OTUD7A: variants seen among roughly 807,000 people sequenced by gnomAD.
OTUD7A encodes OTU deubiquitinase 7A.
A neutral mutation model predicts 65.7 loss-of-function variants in OTUD7A; 12 were observed. The observed-to-expected ratio is 0.18, with a 90% CI of 0.12 to 0.30. The LOEUF (loss-of-function observed/expected upper bound fraction) is 0.30, where lower values mean the gene tolerates loss of function less well. Among genes scored for constraint, OTUD7A ranks in the 10% least tolerant of loss-of-function variants. OTUD7A has a pLI of 1.00. For synonymous variants in OTUD7A, 641 were observed against 586.3 expected (o/e 1.09, Z -1.35); for missense variants, 1,148 against 1,304.8 (o/e 0.88, Z 1.85).
At chr15:31,627,820 TTTGCATTTCTC>T (rs1393676768) in intron 3 of OTUD7A, among the ~76,000 whole-genome samples, 9 of 152,250 alleles carry the variant, frequency 5.9e-5, no homozygotes, top group Admixed American at 1.3e-4. Context: ...GTGGTTTCGA[TTTGCATTTCTC>T]TGATGGTCAG....
At chr15:31,643,969 G>A in intron 3 of OTUD7A, among the ~76,000 whole-genome samples, 1 of 152,170 alleles carries the variant, frequency 6.6e-6, no homozygotes, top group East Asian at 1.9e-4. Context: ...CTTGCACGGG[G>A]GGATGCTTGC....
chr15:31,540,297 ATTT>A (rs1887947243), intron 5 of OTUD7A, among the ~76,000 whole-genome samples: 1 of 152,174 alleles, frequency 6.6e-6, no homozygotes, highest in African/African-American at 2.4e-5. Context: ...GAAAGACCTG[ATTT>A]CCCTTTTCAA....
intron 10 of OTUD7A, among the ~76,000 whole-genome samples, chr15:31,492,899 C>T (rs962556751): frequency 4.6e-5 from 7 of 152,076 alleles, no homozygotes; most frequent in Non-Finnish European, 1.0e-4. Context: ...GCAAAACCCA[C>T]ATATATGCTG....
At chr15:31,697,587 G>A (rs1893112845) in intron 1 of OTUD7A, among the ~76,000 whole-genome samples, 1 of 151,498 alleles carries the variant, frequency 6.6e-6, no homozygotes, top group African/African-American at 2.4e-5. Flanking sequence ...AGGTGAAATT[G>A]AAAAGATTCT....
At chr15:31,869,779 C>T (rs1190284248) in intron 1 of OTUD7A, among the ~76,000 whole-genome samples, 1 of 152,200 alleles carries the variant, frequency 6.6e-6, no homozygotes, top group Non-Finnish European at 1.5e-5. Context: ...GAGGAGGGTA[C>T]ACTTGAGCGG....
intron 3 of OTUD7A, among the ~76,000 whole-genome samples, chr15:31,599,419 G>C (rs545746517): frequency 1.1e-4 from 17 of 152,350 alleles, no homozygotes; most frequent in African/African-American, 4.1e-4. Flanking sequence ...AGAGGGGCCT[G>C]ACTGTCAGAA....
intron 8 of OTUD7A, among the ~76,000 whole-genome samples, chr15:31,521,843 G>C (rs945330134): frequency 6.6e-6 from 1 of 152,142 alleles, no homozygotes; most frequent in Non-Finnish European, 1.5e-5. Flanking sequence ...TCCCCCAAAC[G>C]GTCCCTCTTG....
At chr15:31,566,230 C>A (rs1595616034) in intron 4 of OTUD7A, among the ~76,000 whole-genome samples, 1 of 151,604 alleles carries the variant, frequency 6.6e-6, no homozygotes, top group East Asian at 1.9e-4. Flanking sequence ...TTCAGTAATT[C>A]TGTAGTCCAA....
chr15:31,768,742 G>C (rs772456475), intron 1 of OTUD7A, among the ~76,000 whole-genome samples: 26 of 152,090 alleles, frequency 1.7e-4, no homozygotes, highest in Non-Finnish European at 3.7e-4. Flanking sequence ...TAAAGGGGGT[G>C]AAGTAAAGGG....
In OTUD7A at chr15:31,498,474, C is replaced by G. The variant is rs528538213; in HGVS notation, c.1171+3216G>C. Among the ~76,000 whole-genome samples, 2 of 152,178 alleles carry G rather than the reference C, an allele frequency of 1.3e-5. No individual in the cohort carries two copies. The highest frequency in any genetic ancestry group is 3.9e-4 in the East Asian group (2 of 5,178). On this transcript the variant is annotated intron_variant, in intron 10 of 12. Coordinates refer to ENST00000307050, the MANE Select transcript of OTUD7A (RefSeq NM_001382637.1). This position sits in a 1 kb window ranked among gnomAD's most constrained non-coding sequence, Gnocchi z 4.2. ...GTTGGGATTGTTGCACTGGATGATT[C>G]CAAAGTTCTTTCCTAGGTTCTATGT... is the stretch of plus-strand genomic sequence containing the variant.
At chr15:31,564,154 T>C (rs1011143082) in intron 4 of OTUD7A, among the ~76,000 whole-genome samples, 1 of 152,070 alleles carries the variant, frequency 6.6e-6, no homozygotes, top group Non-Finnish European at 1.5e-5. Flanking sequence ...ATGTGCAGAA[T>C]AAATAGGGAT....
intron 1 of OTUD7A, among the ~76,000 whole-genome samples, chr15:31,833,459 TA>T (rs566171982): frequency 6.6e-6 from 1 of 152,398 alleles, no homozygotes; most frequent in East Asian, 1.9e-4. Context: ...TTTCCATTTA[TA>T]AAATCTGTAT....
Position 31,767,298 on chromosome 15 carries a change from GA to G in OTUD7A, c.-100+103208del, listed in dbSNP as rs1895116300. On this transcript the variant is annotated intron_variant, in intron 1 of 12. Coordinates refer to ENST00000307050, the MANE Select transcript of OTUD7A (RefSeq NM_001382637.1). ...AACTACCACGAAATGAAACAAAAAT[GA>G]AGATGCAACCAAAATGTTCACAAGT... 5 of 823,298 alleles carry G rather than the reference GA, an allele frequency of 6.1e-6. No homozygotes were observed. The Admixed American group carries it at 9.3e-5, about 15-fold the overall frequency. The allele number at this position is 823,298 out of a possible 1,614,324, so 51.0% of individuals were successfully genotyped here.
At chr15:31,526,878 G>A (rs1044944204) in intron 7 of OTUD7A, among the ~76,000 whole-genome samples, 10 of 152,314 alleles carry the variant, frequency 6.6e-5, no homozygotes, top group African/African-American at 2.4e-4. Context: ...ACAGCAGGCA[G>A]TCATATATAT....
At chr15:31,820,768 A>G (rs1896659258) in intron 1 of OTUD7A, among the ~76,000 whole-genome samples, 1 of 152,178 alleles carries the variant, frequency 6.6e-6, no homozygotes. Flanking sequence ...TTCAATTTGT[A>G]AATTTTCATT....
intron 1 of OTUD7A, among the ~76,000 whole-genome samples, chr15:31,751,556 T>C (rs1052619638): frequency 6.6e-6 from 1 of 152,126 alleles, no homozygotes; most frequent in Non-Finnish European, 1.5e-5. Context: ...AACAATCCCA[T>C]TACTGGGTAT....
intron 1 of OTUD7A, among the ~76,000 whole-genome samples, chr15:31,780,144 C>T (rs1209714197): frequency 6.6e-6 from 1 of 152,190 alleles, no homozygotes; most frequent in East Asian, 1.9e-4. Context: ...GTATCTGCCC[C>T]TCTGGTTTAC....
At chr15:31,825,600 A>C (rs1442483834) in intron 1 of OTUD7A, among the ~76,000 whole-genome samples, 4 of 152,122 alleles carry the variant, frequency 2.6e-5, no homozygotes, top group Non-Finnish European at 5.9e-5. Flanking sequence ...CAAATCTCAT[A>C]TCCTCACATT....
intron 4 of OTUD7A, among the ~76,000 whole-genome samples, chr15:31,569,264 T>C (rs1457559258): frequency 6.6e-6 from 1 of 152,200 alleles, no homozygotes; most frequent in African/African-American, 2.4e-5. Context: ...TTGCTTTCAG[T>C]GGCAATTAAC....
Sources: gnomAD v4.1 joint callset for allele counts (sites outside exome capture counted in the v4.1 genomes callset) on GRCh38, gnomAD v4.1.1 for gene constraint, Gnocchi (gnomAD v3.1) non-coding constraint, MANE v1.5 for transcripts, NCBI Gene and HGNC (gene_info 2026-07-23, HGNC 2026-07-21) for gene names.